ADRA1B: variants seen among roughly 807,000 people sequenced by gnomAD.
ADRA1B encodes alpha-1B adrenergic receptor.
In ADRA1B, 17 loss-of-function variants were observed where a neutral mutation model predicts 17.9. The observed-to-expected ratio is 0.95, with a 90% CI of 0.65 to 1.42. ADRA1B has a LOEUF of 1.42. Among genes scored for constraint, ADRA1B ranks in the 40% most tolerant of loss-of-function variants. The probability of loss-of-function intolerance (pLI) is 0.00; values close to 1 mark genes in which losing one functional copy is unlikely to be tolerated. For synonymous variants in ADRA1B, 366 were observed against 327.6 expected (o/e 1.12, Z -1.27); for missense variants, 681 against 722.1 (o/e 0.94, Z 0.65).
chr5:159,950,968 G>T, intron 1 of ADRA1B: 1 of 602,782 alleles, frequency 1.7e-6, no homozygotes. Context: ...TGATGGCGTG[G>T]ACTGTATTCT....
chr5:159,878,178 G>C (rs1753821840), intron 1 of ADRA1B, among the ~76,000 whole-genome samples: 1 of 152,206 alleles, frequency 6.6e-6, no homozygotes, highest in African/African-American at 2.4e-5. Context: ...TTGCCCTCTT[G>C]AATCAGTCGG....
downstream of ADRA1B, among the ~76,000 whole-genome samples, chr5:159,973,692 A>G (rs907070068): frequency 6.6e-6 from 1 of 152,182 alleles, no homozygotes; most frequent in African/African-American, 2.4e-5. Flanking sequence ...GGTCACACAG[A>G]AAGGTGGAGC....
intron 1 of ADRA1B, among the ~76,000 whole-genome samples, chr5:159,882,420 C>T (rs1398066283): frequency 1.3e-5 from 2 of 152,182 alleles, no homozygotes; most frequent in East Asian, 3.9e-4. Flanking sequence ...TGTATTGTTT[C>T]ACTGGTTTAT....
intron 1 of ADRA1B, among the ~76,000 whole-genome samples, chr5:159,933,660 A>G (rs1754873930): frequency 6.6e-6 from 1 of 152,256 alleles, no homozygotes; most frequent in Non-Finnish European, 1.5e-5. Context: ...AGAGGAGACA[A>G]CAGCCTCAGA....
intron 1 of ADRA1B, among the ~76,000 whole-genome samples, chr5:159,889,014 T>A (rs984007613): frequency 6.6e-6 from 1 of 152,230 alleles, no homozygotes; most frequent in African/African-American, 2.4e-5. Flanking sequence ...TGAGCTTCTA[T>A]GACTGAAGAC....
the ADRA1B span, among the ~76,000 whole-genome samples, chr5:159,981,409 G>A: frequency 2.6e-5 from 4 of 152,066 alleles, no homozygotes; most frequent in Admixed American, 6.5e-5. Flanking sequence ...GGATAGACAC[G>A]TAAGAAACAA....
At chr5:159,979,545 A>T in the ADRA1B span, among the ~76,000 whole-genome samples, 2 of 152,114 alleles carry the variant, frequency 1.3e-5, no homozygotes, top group African/African-American at 2.4e-5. Flanking sequence ...GAAAGACTTC[A>T]TGGAGGAAGT....
chr5:159,869,148 G>A (rs927772105), intron 1 of ADRA1B: 1 of 152,156 alleles, frequency 6.6e-6, no homozygotes, highest in Non-Finnish European at 1.5e-5. Flanking sequence ...CACTATGAAA[G>A]CATTTCATTT....
intron 1 of ADRA1B, chr5:159,950,694 G>A (rs1561605715): frequency 1.4e-6 from 1 of 714,666 alleles, no homozygotes; most frequent in Non-Finnish European, 2.6e-6. Flanking sequence ...TGCCCTTGGG[G>A]GGACACTCCA....
Position 159,886,775 on chromosome 5 carries a change from C to T in ADRA1B, c.-256+21569C>T, listed in dbSNP as rs149052345. 3.3e-3 allele frequency among the ~76,000 whole-genome samples: 494 copies of T among 151,992 alleles called. 2 individuals carry two copies. The highest frequency in any genetic ancestry group is 0.011 in the African/African-American group (465 of 41,444). Reference sequence around the variant, plus strand: ...GCATGGTCTTATAATTAAGCAGATACGGATCTGACTCTCAGTTCAGTTACT... The same window carrying T: ...GCATGGTCTTATAATTAAGCAGATATGGATCTGACTCTCAGTTCAGTTACT... On this transcript the variant is annotated intron_variant, in intron 1 of 2. Transcript: ENST00000641205.
intron 1 of ADRA1B, among the ~76,000 whole-genome samples, chr5:159,919,742 A>T (rs1360858163): frequency 3.3e-5 from 5 of 152,236 alleles, no homozygotes; most frequent in African/African-American, 1.2e-4. Flanking sequence ...CTGTGACCAG[A>T]GCATGCTCAG....
chr5:159,873,750 C>A (rs1206502772), intron 1 of ADRA1B, among the ~76,000 whole-genome samples: 1 of 152,170 alleles, frequency 6.6e-6, no homozygotes, highest in Non-Finnish European at 1.5e-5. Flanking sequence ...CACCTCCTTC[C>A]ATCTCTAGAC....
chr5:159,963,972 C>T (rs187752215), intron 1 of ADRA1B, among the ~76,000 whole-genome samples: 1 of 152,212 alleles, frequency 6.6e-6, no homozygotes, highest in East Asian at 1.9e-4. Flanking sequence ...ATCCCTCCTC[C>T]CCTCACCACC....
chr5:159,883,407 A>G (rs1753884669), intron 1 of ADRA1B, among the ~76,000 whole-genome samples: 1 of 152,114 alleles, frequency 6.6e-6, no homozygotes, highest in South Asian at 2.1e-4. Context: ...ATCCAAAATT[A>G]CCCCTTCTCT....
chr5:159,873,741 ACCT>A (rs1274663891), intron 1 of ADRA1B, among the ~76,000 whole-genome samples: 1 of 151,952 alleles, frequency 6.6e-6, no homozygotes, highest in Non-Finnish European at 1.5e-5. Context: ...AGGTGGTTTC[ACCT>A]CCTTCCATCT....
At chr5:159,901,178 A>C (rs760691344) in intron 1 of ADRA1B, among the ~76,000 whole-genome samples, 41 of 151,716 alleles carry the variant, frequency 2.7e-4, no homozygotes, top group Non-Finnish European at 4.9e-4. Context: ...CAAGCTCCCA[A>C]AGAGTCAGAG....
intron 1 of ADRA1B, among the ~76,000 whole-genome samples, chr5:159,873,980 G>A (rs1462817981): frequency 6.6e-6 from 1 of 151,984 alleles, no homozygotes; most frequent in Non-Finnish European, 1.5e-5. Context: ...TTATGCAGAG[G>A]GCAGAAAATG....
intron 1 of ADRA1B, among the ~76,000 whole-genome samples, chr5:159,909,463 G>A (rs1296835649): frequency 6.6e-6 from 1 of 152,198 alleles, no homozygotes; most frequent in Non-Finnish European, 1.5e-5. Flanking sequence ...GTAGCTACAA[G>A]TGAAAATCCC....
At chr5:159,905,968 T>G (rs555578791) in intron 1 of ADRA1B, among the ~76,000 whole-genome samples, 15 of 152,230 alleles carry the variant, frequency 9.9e-5, no homozygotes, top group African/African-American at 3.4e-4. Flanking sequence ...GCAGTTCTCC[T>G]GTCAGCCTCC....
Sources: allele counts gnomAD v4.1 joint callset (sites outside exome capture counted in the v4.1 genomes callset), GRCh38; gene constraint gnomAD v4.1.1; transcripts MANE v1.5; gene names NCBI Gene and HGNC (gene_info 2026-07-23, HGNC 2026-07-21).